The following COL28A1 variants were observed in gnomAD, a reference collection of about 807,000 sequenced individuals.
The protein encoded by COL28A1 is collagen type XXVIII alpha 1 chain, also known as collagen alpha-1(XXVIII) chain.
In COL28A1, 161 loss-of-function variants were observed where a neutral mutation model predicts 150.2. The observed-to-expected ratio is 1.07, with a 90% CI of 0.94 to 1.22. The LOEUF (loss-of-function observed/expected upper bound fraction) is 1.22, where lower values mean the gene tolerates loss of function less well. Among genes scored for constraint, COL28A1 ranks in the 50% most tolerant of loss-of-function variants. The probability of loss-of-function intolerance (pLI) is 0.00; values close to 1 mark genes in which losing one functional copy is unlikely to be tolerated. For synonymous variants in COL28A1, 552 were observed against 469.7 expected (o/e 1.18, Z -2.26); for missense variants, 1,617 against 1,388.3 (o/e 1.16, Z -2.62).
intron 27 of COL28A1, among the ~76,000 whole-genome samples, chr7:7,390,578 T>C (rs1782481799): frequency 6.6e-6 from 1 of 152,202 alleles, no homozygotes; most frequent in African/African-American, 2.4e-5. Flanking sequence ...TACCAGCTCC[T>C]CTTTGTACCT....
intron 25 of COL28A1, among the ~76,000 whole-genome samples, chr7:7,425,061 A>G (rs899669817): frequency 6.6e-6 from 1 of 152,054 alleles, no homozygotes; most frequent in Admixed American, 6.5e-5. Flanking sequence ...GGTTAATATT[A>G]AAACTATTAT....
At position 7,373,021 on chromosome 7, in the gene COL28A1, A is replaced by C; in HGVS notation, c.2885T>G (p.Phe962Cys). Residue 962 changes from phenylalanine (F) to cysteine (C), a missense_variant, in exon 32 of 35, where the codon TTT becomes TGT. Phe to Cys is a radical substitution (Grantham distance 205). Transcript: ENST00000399429. This position sits in a 1 kb window ranked among gnomAD's most constrained non-coding sequence, Gnocchi z 4.1. ...IATDPEHVYQ[F>C]DDFFTLQDTL... Reference sequence around the variant, plus strand: ...ACCTTGCAGGGTAAAGAAATCATCAAACTGGTAAACATGCTCTGGGTCAGT... The same window carrying C: ...ACCTTGCAGGGTAAAGAAATCATCACACTGGTAAACATGCTCTGGGTCAGT... The C allele has an allele frequency of 1.2e-6, 2 of 1,613,962 alleles. No individual in the cohort carries two copies. Among genetic ancestry groups the C allele is most frequent in the Non-Finnish European group, 1.7e-6 (2 of 1,179,902 alleles).
At chr7:7,514,510 C>A (rs564536209) in intron 8 of COL28A1, among the ~76,000 whole-genome samples, 1 of 152,054 alleles carries the variant, frequency 6.6e-6, no homozygotes, top group African/African-American at 2.4e-5. Context: ...ACATTGCCAG[C>A]GATTAGGATA....
At chr7:7,518,991 A>G (rs1287577865) in intron 6 of COL28A1, among the ~76,000 whole-genome samples, 1 of 152,196 alleles carries the variant, frequency 6.6e-6, no homozygotes, top group African/African-American at 2.4e-5. Context: ...CCCAATGTCC[A>G]TTACATTTGA....
chr7:7,453,689 T>C lies in COL28A1; in HGVS notation c.1372-181A>G, dbSNP rs1248037138. ...GCATTCTTCCCTATTTCCATATTAA[T>C]AGAAATTTTAGCTGGCCCGTATATC... On this transcript the variant is annotated intron_variant, in intron 16 of 34. Transcript: ENST00000399429. Among the ~76,000 whole-genome samples the C allele has an allele frequency of 2.0e-5, 3 of 152,190 alleles. No homozygotes were observed. The East Asian group carries it at 5.8e-4, about 29-fold the overall frequency.
upstream of COL28A1, among the ~76,000 whole-genome samples, chr7:7,537,812 G>A (rs902282350): frequency 3.3e-5 from 5 of 152,192 alleles, no homozygotes; most frequent in South Asian, 2.1e-4. Flanking sequence ...TAGCCTATGG[G>A]TGTTAGTCAC....
At chr7:7,471,433 C>T (rs1383553300) in intron 15 of COL28A1, among the ~76,000 whole-genome samples, 1 of 152,166 alleles carries the variant, frequency 6.6e-6, no homozygotes, top group Non-Finnish European at 1.5e-5. Context: ...AAACTACAGA[C>T]CAATATCCCT....
intron 27 of COL28A1, chr7:7,417,605 A>G: frequency 2.5e-6 from 1 of 406,888 alleles, no homozygotes; most frequent in African/African-American, 2.2e-5. Context: ...ATTCACAAAG[A>G]GGGGAAAGCA....
rs1187727390 is a variant in COL28A1, at chr7:7,373,954, C to T, written c.2360-408G>A. Among the ~76,000 whole-genome samples the T allele has an allele frequency of 6.7e-6, 1 of 149,730 alleles. No homozygotes were observed. Among genetic ancestry groups the T allele is most frequent in the African/African-American group, 2.5e-5 (1 of 40,538 alleles). ...GACCTCGTGATATGCCCGCCTCGGC[C>T]TCCCAAAGTGCTGGGATTACAGGCG... On this transcript the variant is annotated intron_variant, in intron 31 of 34. Transcript: ENST00000399429. This position sits in a 1 kb window ranked among gnomAD's most constrained non-coding sequence, Gnocchi z 4.1.
intron 11 of COL28A1, 84 bp downstream of exon 11, chr7:7,505,930 G>T: frequency 1.2e-6 from 1 of 802,368 alleles, no homozygotes; most frequent in Non-Finnish European, 2.2e-6. Flanking sequence ...AGAATCCATT[G>T]ACTTTTACCT....
At chr7:7,393,700 G>T (rs1210987545) in intron 27 of COL28A1, among the ~76,000 whole-genome samples, 4 of 152,316 alleles carry the variant, frequency 2.6e-5, no homozygotes, top group Admixed American at 6.5e-5. Flanking sequence ...GCATTGCTGA[G>T]CTGTGGAGGA....
At chr7:7,525,940 A>G (rs1782000547) in intron 3 of COL28A1, among the ~76,000 whole-genome samples, 1 of 152,210 alleles carries the variant, frequency 6.6e-6, no homozygotes, top group South Asian at 2.1e-4. Flanking sequence ...TTAGAGTCTC[A>G]CCTACCACCC....
intron 13 of COL28A1, among the ~76,000 whole-genome samples, chr7:7,485,143 G>C (rs1051621908): frequency 1.3e-5 from 2 of 151,734 alleles, no homozygotes; most frequent in African/African-American, 2.4e-5. Context: ...TTAATAAAAA[G>C]AACACATATT....
chr7:7,492,742 G>C (rs185738534), intron 11 of COL28A1, among the ~76,000 whole-genome samples: 1 of 151,802 alleles, frequency 6.6e-6, no homozygotes, highest in East Asian at 1.9e-4. Context: ...CTCAAAATGA[G>C]TCATCCACAT....
Position 7,531,709 on chromosome 7 carries a change from G to T in COL28A1, c.320C>A (p.Pro107His). 1 of 1,602,436 alleles carries T rather than the reference G, an allele frequency of 6.2e-7. No homozygotes were observed. Among genetic ancestry groups the T allele is most frequent in the Non-Finnish European group, 8.6e-7 (1 of 1,169,370 alleles). ...CTGCAGGTCCTTCCAGGAAGAAAAA[G>T]GTGGATCAATTTGGACAGAGCTGCT... is the stretch of plus-strand genomic sequence containing the variant. ...QFSSSVQIDPPFSSWKDLQTF... is the reference protein window; with the variant it reads ...QFSSSVQIDPHFSSWKDLQTF... Residue 107 changes from proline (P) to histidine (H), a missense_variant, in exon 3 of 35, where the codon CCT becomes CAT. Pro to His is a moderately conservative substitution (Grantham distance 77). Coordinates refer to ENST00000399429, the MANE Select transcript of COL28A1 (RefSeq NM_001037763.3).
intron 25 of COL28A1, among the ~76,000 whole-genome samples, chr7:7,422,838 G>A (rs766058207): frequency 2.2e-4 from 34 of 152,130 alleles, no homozygotes; most frequent in Non-Finnish European, 3.4e-4. Flanking sequence ...ACGGAAGAGG[G>A]AGAAACACGT....
At chr7:7,348,169 T>C in the COL28A1 span, among the ~76,000 whole-genome samples, 1 of 152,012 alleles carries the variant, frequency 6.6e-6, no homozygotes, top group Non-Finnish European at 1.5e-5. Flanking sequence ...ATTGGATACA[T>C]TTTGATGCCG....
intron 5 of COL28A1, among the ~76,000 whole-genome samples, chr7:7,521,057 A>G (rs901120348): frequency 4.6e-5 from 7 of 152,108 alleles, no homozygotes; most frequent in African/African-American, 1.7e-4. Flanking sequence ...CACAGTACAC[A>G]TTCCCCTCCC....
chr7:7,395,090 G>A (rs1281858928), intron 27 of COL28A1, among the ~76,000 whole-genome samples: 4 of 152,164 alleles, frequency 2.6e-5, no homozygotes, highest in Non-Finnish European at 5.9e-5. Context: ...CCAGGAGCTC[G>A]AGACCAGCCT....
Sources: allele counts gnomAD v4.1 joint callset (sites outside exome capture counted in the v4.1 genomes callset), GRCh38; gene constraint gnomAD v4.1.1; non-coding constraint Gnocchi (gnomAD v3.1); transcripts MANE v1.5; gene names NCBI Gene and HGNC (gene_info 2026-07-23, HGNC 2026-07-21).